The following ZBTB20 variants were observed in gnomAD, a reference collection of about 807,000 sequenced individuals.
ZBTB20 encodes zinc finger and BTB domain containing 20.
In ZBTB20, 9 loss-of-function variants were observed where a neutral mutation model predicts 56.9. The ratio of observed to expected loss-of-function variants is 0.16; its 90% CI spans 0.10 to 0.28. The LOEUF (loss-of-function observed/expected upper bound fraction) is 0.28, where lower values mean the gene tolerates loss of function less well. Ranked by LOEUF, ZBTB20 falls within the 10% of genes least tolerant of loss-of-function variation. The pLI is 1.00. For missense variants in ZBTB20, 655 were observed against 1,003.0 expected (o/e 0.65, Z 4.69); for synonymous variants, 417 against 420.7 (o/e 0.99, Z 0.11).
At chr3:114,674,085 C>T (rs1393310099) in intron 6 of ZBTB20, among the ~76,000 whole-genome samples, 1 of 152,138 alleles carries the variant, frequency 6.6e-6, no homozygotes, top group Admixed American at 6.6e-5. Context: ...TCAGCTCTTA[C>T]ATTATTTGTT....
intron 2 of ZBTB20, among the ~76,000 whole-genome samples, chr3:115,032,675 C>A (rs1560509860): frequency 6.6e-6 from 1 of 151,182 alleles, no homozygotes; most frequent in Non-Finnish European, 1.5e-5. Flanking sequence ...TTTAAATAGA[C>A]AAATATCATA....
rs1207267820 is a variant in ZBTB20 at position 114,318,067 on chromosome 3, T to C, written c.*20938A>G. Reference sequence around the variant, plus strand: ...TCATCATGGTACAGCTTTTGGTGTTTCCCTTTTCCCTTCCCTCCAGCCAAA... The same window carrying C: ...TCATCATGGTACAGCTTTTGGTGTTCCCCTTTTCCCTTCCCTCCAGCCAAA... On this transcript the variant is annotated 3_prime_UTR_variant, in exon 12 of 12. Coordinates refer to ENST00000675478, the MANE Select transcript of ZBTB20 (RefSeq NM_001348800.3). 6.6e-6 allele frequency: 1 copy of C among 152,202 alleles called. No homozygotes were observed. Among genetic ancestry groups the C allele is most frequent in the Non-Finnish European group, 1.5e-5 (1 of 68,036 alleles). 9.4% of individuals were successfully genotyped at this position (152,202 alleles called of 1,614,324 possible).
chr3:114,412,289 G>A (rs1396101671), intron 7 of ZBTB20, among the ~76,000 whole-genome samples: 1 of 152,110 alleles, frequency 6.6e-6, no homozygotes, highest in East Asian at 1.9e-4. Flanking sequence ...GATCAACTGA[G>A]ACAATCTATG....
intron 6 of ZBTB20, among the ~76,000 whole-genome samples, chr3:114,528,181 G>C (rs192901420): frequency 6.6e-6 from 1 of 152,044 alleles, no homozygotes; most frequent in Non-Finnish European, 1.5e-5. Context: ...ATTTATCTTT[G>C]TACAAGAGCT....
intron 2 of ZBTB20, among the ~76,000 whole-genome samples, chr3:114,995,927 C>A (rs2079007945): frequency 1.3e-5 from 2 of 151,746 alleles, no homozygotes; most frequent in Admixed American, 1.3e-4. Flanking sequence ...CTTCTCCCAA[C>A]CCCAACTTTT....
chr3:114,616,899 T>C (rs920077467), intron 6 of ZBTB20, among the ~76,000 whole-genome samples: 1 of 152,320 alleles, frequency 6.6e-6, no homozygotes, highest in African/African-American at 2.4e-5. Flanking sequence ...ATTCCTTCTC[T>C]CCATGCCCAG....
intron 7 of ZBTB20, among the ~76,000 whole-genome samples, chr3:114,469,662 A>G (rs2109240713): frequency 6.6e-6 from 1 of 152,322 alleles, no homozygotes; most frequent in Non-Finnish European, 1.5e-5. Flanking sequence ...GAGTTCTAGC[A>G]TGCCAAGTTT....
chr3:114,397,421 T>C (rs2086425745), intron 7 of ZBTB20, among the ~76,000 whole-genome samples: 1 of 151,556 alleles, frequency 6.6e-6, no homozygotes, highest in African/African-American at 2.4e-5. Context: ...TTATTTTATT[T>C]CCTCAGGATA....
chr3:115,129,111 ATC>A (rs1433048251), intron 1 of ZBTB20, among the ~76,000 whole-genome samples: 1 of 152,132 alleles, frequency 6.6e-6, no homozygotes, highest in Non-Finnish European at 1.5e-5. Flanking sequence ...AAAAAAAAAG[ATC>A]TCTCTTTTCA....
At position 114,600,346 on chromosome 3, in the gene ZBTB20, G is replaced by C. The variant is rs151302809; in HGVS notation, c.-295+93182C>G. On this transcript the variant is annotated intron_variant, in intron 6 of 11. Coordinates refer to ENST00000675478, the MANE Select transcript of ZBTB20 (RefSeq NM_001348800.3). ...CTCTGTGGGTTGGTAACACATTCTA[G>C]ATCCTCTTACCTCTCTCTCCTCAGG... Among the ~76,000 whole-genome samples the C allele has an allele frequency of 7.7e-4, 117 of 152,036 alleles. 1 individual carries two copies. In the East Asian group the frequency reaches 0.012, roughly 16 times the overall value.
chr3:114,791,089 T>C (rs1337147090), intron 5 of ZBTB20, among the ~76,000 whole-genome samples: 1 of 152,162 alleles, frequency 6.6e-6, no homozygotes, highest in East Asian at 1.9e-4. Flanking sequence ...AAATATTTAA[T>C]GCTTCACATA....
At chr3:114,973,941 T>C (rs546046328) in intron 3 of ZBTB20, among the ~76,000 whole-genome samples, 1 of 152,242 alleles carries the variant, frequency 6.6e-6, no homozygotes, top group African/African-American at 2.4e-5. Context: ...AATACAATTT[T>C]ATTTCTTATA....
At chr3:114,890,529 C>T (rs550139121) in intron 4 of ZBTB20, among the ~76,000 whole-genome samples, 2 of 152,250 alleles carry the variant, frequency 1.3e-5, no homozygotes, top group East Asian at 1.9e-4. Flanking sequence ...CATGTTCTCA[C>T]TCATAGGTGG....
intron 2 of ZBTB20, among the ~76,000 whole-genome samples, chr3:114,993,466 C>T (rs1399106179): frequency 6.6e-6 from 1 of 151,804 alleles, no homozygotes; most frequent in Non-Finnish European, 1.5e-5. Context: ...GAAAATTGCA[C>T]ATTCTTTCCA....
chr3:114,522,477 GC>G (rs2046754658), intron 6 of ZBTB20, among the ~76,000 whole-genome samples: 1 of 152,196 alleles, frequency 6.6e-6, no homozygotes, highest in Non-Finnish European at 1.5e-5. Flanking sequence ...AGAGTTCTGA[GC>G]AGAGAAGTGA....
At chr3:115,007,358 AAG>A (rs2079517970) in intron 2 of ZBTB20, among the ~76,000 whole-genome samples, 1 of 151,832 alleles carries the variant, frequency 6.6e-6, no homozygotes, top group Non-Finnish European at 1.5e-5. Context: ...AAAAAAGAGA[AAG>A]AGAAAAAACA....
At chr3:114,666,072 G>A (rs1032034746) in intron 6 of ZBTB20, among the ~76,000 whole-genome samples, 3 of 151,810 alleles carry the variant, frequency 2.0e-5, no homozygotes, top group Admixed American at 1.3e-4. Context: ...TCTGATTTTC[G>A]CTGGGGGTTA....
chr3:114,844,216 A>C (rs535365639), intron 4 of ZBTB20, among the ~76,000 whole-genome samples: 1 of 151,582 alleles, frequency 6.6e-6, no homozygotes, highest in South Asian at 2.1e-4. Flanking sequence ...AAACAAGTAC[A>C]GAAGATTCTA....
chr3:114,538,461 C>G (rs913670774), intron 6 of ZBTB20, among the ~76,000 whole-genome samples: 1 of 152,242 alleles, frequency 6.6e-6, no homozygotes, highest in East Asian at 1.9e-4. Context: ...TCACCACCAG[C>G]TCTAACATCT....
Sources: gnomAD v4.1 joint callset for allele counts (sites outside exome capture counted in the v4.1 genomes callset) on GRCh38, gnomAD v4.1.1 for gene constraint, MANE v1.5 for transcripts, NCBI Gene and HGNC (gene_info 2026-07-23, HGNC 2026-07-21) for gene names.